Variants in CNTN4 observed in about 807,000 individuals in gnomAD.
CNTN4 encodes the protein contactin 4.
CNTN4 carries 77 observed loss-of-function variants against 122.5 expected under a neutral mutation model. The observed-to-expected ratio is 0.63, with a 90% CI of 0.52 to 0.76. The LOEUF is 0.76. Among genes scored for constraint, CNTN4 ranks in the 30% least tolerant of loss-of-function variants. The pLI is 0.00. For missense variants in CNTN4, 1,256 were observed against 1,259.1 expected, an observed-to-expected ratio of 1.00 and a Z score of 0.04; for synonymous variants, 512 against 447.0, an observed-to-expected ratio of 1.15 and a Z score of -1.83.
chr3:2,184,688 C>T (rs1029898387), intron 2 of CNTN4, among the ~76,000 whole-genome samples: 2 of 152,102 alleles, frequency 1.3e-5, no homozygotes, highest in Non-Finnish European at 2.9e-5. Context: ...CCCTCCATCC[C>T]TTCATGTAAG....
At chr3:2,318,770 T>A (rs1019233722) in intron 2 of CNTN4, among the ~76,000 whole-genome samples, 1 of 152,068 alleles carries the variant, frequency 6.6e-6, no homozygotes, top group Non-Finnish European at 1.5e-5. Context: ...CTCCCAAGTA[T>A]CTGGGACTGC....
At chr3:2,903,136 C>A in intron 12 of CNTN4, 131 bp downstream of exon 12, 1 of 829,218 alleles carries the variant, frequency 1.2e-6, no homozygotes, top group South Asian at 1.6e-5. Context: ...AGATGCTACT[C>A]AAGAAACAAG....
At chr3:2,877,909 A>C (rs1375002326) in intron 8 of CNTN4, among the ~76,000 whole-genome samples, 1 of 152,234 alleles carries the variant, frequency 6.6e-6, no homozygotes, top group East Asian at 1.9e-4. Context: ...AAAATAAAAA[A>C]ATTAGTCAAA....
At chr3:2,835,605 A>G (rs147300667) in intron 7 of CNTN4, among the ~76,000 whole-genome samples, 2 of 152,200 alleles carry the variant, frequency 1.3e-5, no homozygotes, top group Non-Finnish European at 1.5e-5. Flanking sequence ...ATTTTATACA[A>G]CACCACAAAT....
intron 4 of CNTN4, among the ~76,000 whole-genome samples, chr3:2,572,225 A>G (rs2079454105): frequency 6.6e-6 from 1 of 152,108 alleles, no homozygotes; most frequent in South Asian, 2.1e-4. Flanking sequence ...CATCTCTACT[A>G]AAAATACAAA....
At chr3:2,215,782 T>C (rs1014858723) in intron 2 of CNTN4, among the ~76,000 whole-genome samples, 6 of 145,752 alleles carry the variant, frequency 4.1e-5, no homozygotes, top group African/African-American at 1.0e-4. Flanking sequence ...ACTTGGGAGA[T>C]TGAGGCAGGA....
At chr3:2,575,583 T>G (rs1374415810) in intron 4 of CNTN4, among the ~76,000 whole-genome samples, 3 of 152,168 alleles carry the variant, frequency 2.0e-5, no homozygotes, top group Non-Finnish European at 2.9e-5. Flanking sequence ...AACTTTCTTT[T>G]GTCAAGAATG....
chr3:2,741,075 C>A (rs554709571), intron 5 of CNTN4, among the ~76,000 whole-genome samples: 1 of 152,206 alleles, frequency 6.6e-6, no homozygotes, highest in Non-Finnish European at 1.5e-5. Context: ...CTGAAAAATA[C>A]GTCATATAGA....
At chr3:2,921,969 A>G (rs1245688863) in intron 12 of CNTN4, among the ~76,000 whole-genome samples, 1 of 152,222 alleles carries the variant, frequency 6.6e-6, no homozygotes, top group East Asian at 1.9e-4. Context: ...TCTAATAAAG[A>G]TCATTGAAAA....
At chr3:2,259,356 T>G (rs2040727757) in intron 2 of CNTN4, among the ~76,000 whole-genome samples, 1 of 152,194 alleles carries the variant, frequency 6.6e-6, no homozygotes, top group African/African-American at 2.4e-5. Context: ...GAATTCTTAT[T>G]TAGTTATTCT....
At chr3:2,321,011 A>G (rs1049555612) in intron 2 of CNTN4, among the ~76,000 whole-genome samples, 5 of 152,148 alleles carry the variant, frequency 3.3e-5, no homozygotes, top group Admixed American at 6.5e-5. Context: ...GGGAGAGTTC[A>G]AAGAGAAATG....
chr3:2,814,433 C>T (rs2092683246), intron 6 of CNTN4, among the ~76,000 whole-genome samples: 1 of 152,092 alleles, frequency 6.6e-6, no homozygotes, highest in African/African-American at 2.4e-5. Flanking sequence ...AGAGTTGTTT[C>T]TGTTTATTTT....
chr3:2,829,263 C>G (rs1056967671), intron 7 of CNTN4, among the ~76,000 whole-genome samples: 1 of 152,172 alleles, frequency 6.6e-6, no homozygotes, highest in African/African-American at 2.4e-5. Flanking sequence ...ATTCATTAAG[C>G]CTCCTGTTTC....
At chr3:2,498,007 A>G (rs1427477720) in intron 3 of CNTN4, among the ~76,000 whole-genome samples, 1 of 152,154 alleles carries the variant, frequency 6.6e-6, no homozygotes, top group Non-Finnish European at 1.5e-5. Context: ...AAACAAATGA[A>G]GTAATTTCAA....
At chr3:2,617,545 C>T (rs2081815433) in intron 4 of CNTN4, among the ~76,000 whole-genome samples, 1 of 151,286 alleles carries the variant, frequency 6.6e-6, no homozygotes, top group Admixed American at 6.6e-5. Flanking sequence ...CTCAGCCTCC[C>T]AAGTAGCTGG....
chr3:2,428,571 G>C (rs1427809431), intron 3 of CNTN4, among the ~76,000 whole-genome samples: 1 of 152,106 alleles, frequency 6.6e-6, no homozygotes, highest in African/African-American at 2.4e-5. Context: ...TCTTCTCGAG[G>C]AGTATCTTTG....
chr3:2,669,058 T>G, intron 4 of CNTN4, among the ~76,000 whole-genome samples: 1 of 152,204 alleles, frequency 6.6e-6, no homozygotes. Context: ...TTCTCTTTTT[T>G]TGTTGTGTCT....
intron 2 of CNTN4, among the ~76,000 whole-genome samples, chr3:2,114,593 G>A (rs2125154994): frequency 6.6e-6 from 1 of 152,226 alleles, no homozygotes; most frequent in South Asian, 2.1e-4. Context: ...GTGGCAATAG[G>A]GCCTTCATTT....
intron 3 of CNTN4, among the ~76,000 whole-genome samples, chr3:2,382,644 A>G (rs768984669): frequency 5.3e-5 from 8 of 152,220 alleles, no homozygotes; most frequent in Non-Finnish European, 1.2e-4. Flanking sequence ...ATTAGGAACG[A>G]AAATAAGGAA....
Sources: gnomAD v4.1 joint callset for allele counts (sites outside exome capture counted in the v4.1 genomes callset) on GRCh38, gnomAD v4.1.1 for gene constraint, MANE v1.5 for transcripts, NCBI Gene and HGNC (gene_info 2026-07-23, HGNC 2026-07-21) for gene names.